DOK1: variants seen among roughly 807,000 people sequenced by gnomAD.
DOK1 encodes the protein Downstream of tyrosine kinase 1.
A neutral mutation model predicts 24.0 loss-of-function variants in DOK1; 12 were observed. That is an observed-to-expected ratio of 0.50 (90% CI 0.32 to 0.81). DOK1 has a LOEUF of 0.81. Among genes scored for constraint, DOK1 ranks in the 30% least tolerant of loss-of-function variants. The pLI is 0.03. For missense variants in DOK1, 591 were observed against 620.7 expected, an observed-to-expected ratio of 0.95 and a Z score of 0.51; for synonymous variants, 250 against 260.9, an observed-to-expected ratio of 0.96 and a Z score of 0.40.
At chr2:74,552,894 C>T (rs1398727631), upstream of DOK1, 4 of 445,282 alleles carry the variant, frequency 9.0e-6, no homozygotes, top group East Asian at 1.0e-4. Context: ...TATGAGAGAT[C>T]GAGAGTCAGA....
rs758618942 is a variant in DOK1 at position 74,555,338 on chromosome 2, CT to C, written c.246del (p.Glu83SerfsTer75). ...GCCCCCGTCACCGTGGAGACCCCCC[CT>C]GAGCCCGGCGCCACTGCCTTCCGCC... ...SVAPVTVETP[P>X]EPGATAFRLD... On this transcript the variant is annotated frameshift_variant, in exon 2 of 5. Transcript: ENST00000233668. LOFTEE classifies it high-confidence loss of function. The surrounding 1 kb of genome is among the most constrained non-coding windows in gnomAD (Gnocchi z 6.1). 2.5e-6 allele frequency: 4 copies of C among 1,613,870 alleles called. No homozygotes were observed. Among genetic ancestry groups the C allele is most frequent in the African/African-American group, 1.3e-5 (1 of 74,938 alleles).
upstream of DOK1, chr2:74,554,159 CA>C (rs1173898924): frequency 6.5e-6 from 1 of 153,034 alleles, no homozygotes; most frequent in Non-Finnish European, 1.5e-5. The surrounding 1 kb of genome is among the most constrained non-coding windows in gnomAD (Gnocchi z 4.9). Context: ...CCGGCTCGTT[CA>C]ATGAAGCTTT....
chr2:74,550,423 G>A (rs530120656), upstream of DOK1: 132 of 1,510,902 alleles, frequency 8.7e-5, 1 homozygote, highest in South Asian at 1.6e-3. Flanking sequence ...GTAGGGAAGA[G>A]TGAGTGCTGA....
chr2:74,551,313 G>A (rs1256160905), upstream of DOK1, among the ~76,000 whole-genome samples: 1 of 152,208 alleles, frequency 6.6e-6, no homozygotes, highest in Non-Finnish European at 1.5e-5. Flanking sequence ...CAATGTTCAA[G>A]GACATCTCAT....
rs141984491 is a variant in DOK1 at position 74,549,642 on chromosome 2, C to G, written c.-358+470C>G. 2.0e-6 allele frequency: 3 copies of G among 1,536,922 alleles called. No individual in the cohort carries two copies. The highest frequency in any genetic ancestry group is 2.6e-6 in the Non-Finnish European group (3 of 1,134,192). ...CAGTGGCACCTTTCATGTGTCCCGCCGCCCTTAAGGAACCCTGCTTGGTGT... is the reference window on the plus strand; with the variant it reads ...CAGTGGCACCTTTCATGTGTCCCGCGGCCCTTAAGGAACCCTGCTTGGTGT... On this transcript the variant is annotated intron_variant, in intron 1 of 4. Transcript: ENST00000409429. The surrounding 1 kb of genome is among the most constrained non-coding windows in gnomAD (Gnocchi z 5.3).
At position 74,556,515 on chromosome 2, in the gene DOK1, C is replaced by T. The variant is rs1170659417; in HGVS notation, c.847C>T (p.Pro283Ser). 12 of 1,614,030 alleles carry T rather than the reference C, an allele frequency of 7.4e-6. No individual in the cohort carries two copies. The highest frequency in any genetic ancestry group is 2.2e-5 in the East Asian group (1 of 44,884). ...EVAEGKLPSP[P>S]GPQELLDSPP... ...GGCAGAGGGGAAGTTGCCTTCCCCACCTGGCCCCCAAGAGCTCCTCGACAG... is the reference window on the plus strand; with the variant it reads ...GGCAGAGGGGAAGTTGCCTTCCCCATCTGGCCCCCAAGAGCTCCTCGACAG... The change falls in exon 5 of 5, where the codon CCT (proline) becomes TCT (serine). Residue 283 changes from proline to serine, a missense_variant. Transcript: ENST00000233668. This position sits in a 1 kb window ranked among gnomAD's most constrained non-coding sequence, Gnocchi z 4.1.
chr2:74,556,068 G>T lies in DOK1; in HGVS notation c.629G>T (p.Gly210Val). ...SWPYTLLRRY[G>V]RDKVMFSFEA... ...CCCTACACTCTGTTGCGTCGCTATG[G>T]CCGGGACAAGGTGCAGGGGCTGTCC... Residue 210 changes from glycine to valine, a missense_variant, in exon 4 of 5, where the codon GGC becomes GTC. Transcript: ENST00000233668. The surrounding 1 kb of genome is among the most constrained non-coding windows in gnomAD (Gnocchi z 4.1). The T allele has an allele frequency of 6.3e-7, 1 of 1,594,518 alleles. No homozygotes were observed.
chr2:74,549,619 G>A lies in DOK1; in HGVS notation c.-358+447G>A. 6.3e-7 allele frequency: 1 copy of A among 1,581,924 alleles called. No individual in the cohort carries two copies. Among genetic ancestry groups the A allele is most frequent in the Non-Finnish European group, 8.6e-7 (1 of 1,158,870 alleles). On this transcript the variant is annotated intron_variant, in intron 1 of 4. Transcript: ENST00000409429. This position sits in a 1 kb window ranked among gnomAD's most constrained non-coding sequence, Gnocchi z 5.3. ...GGCCACAAGCAGGGAAAGAATCCCA[G>A]TGGCACCTTTCATGTGTCCCGCCGC...
chr2:74,554,215 G>T, upstream of DOK1: 1 of 157,054 alleles, frequency 6.4e-6, no homozygotes, highest in South Asian at 1.7e-4. This position sits in a 1 kb window ranked among gnomAD's most constrained non-coding sequence, Gnocchi z 4.9. Flanking sequence ...TCAGGGAGCT[G>T]ACATGCAAGC....
At chr2:74,553,436 TC>T (rs1677158910), upstream of DOK1, among the ~76,000 whole-genome samples, 1 of 152,146 alleles carries the variant, frequency 6.6e-6, no homozygotes, top group African/African-American at 2.4e-5. Context: ...GGTAGGGTTG[TC>T]CCAGCCTCCT....
At chr2:74,553,512 C>T (rs1462523592), upstream of DOK1, among the ~76,000 whole-genome samples, 1 of 152,200 alleles carries the variant, frequency 6.6e-6, no homozygotes, top group East Asian at 1.9e-4. Flanking sequence ...TCAGCCAAGG[C>T]CTTCTCTGCC....
Position 74,556,063 on chromosome 2 carries a change from C to T in DOK1, c.624C>T (p.Arg208=), listed in dbSNP as rs771312803. The part of the protein sequence containing the change: ...LLSWPYTLLR[R]YGRDKVMFSF... ...CCTGGCCCTACACTCTGTTGCGTCG[C>T]TATGGCCGGGACAAGGTGCAGGGGC... Residue 208 remains arginine, a synonymous_variant, in exon 4 of 5, where the codon CGC becomes CGT. Transcript: ENST00000233668. This position sits in a 1 kb window ranked among gnomAD's most constrained non-coding sequence, Gnocchi z 4.1. The T allele has an allele frequency of 1.9e-6, 3 of 1,597,070 alleles. No homozygotes were observed. In the South Asian group the frequency reaches 3.4e-5, roughly 18 times the overall value.
At chr2:74,552,450 C>T (rs543052981), upstream of DOK1, 8 of 1,613,876 alleles carry the variant, frequency 5.0e-6, no homozygotes, top group Middle Eastern at 3.3e-4. Context: ...TTCACCAGCT[C>T]GCTGTATCTC....
rs886995147 is a variant in DOK1, at chr2:74,549,391, T to C, written c.-358+219T>C. 8 of 1,609,436 alleles carry C rather than the reference T, an allele frequency of 5.0e-6. No homozygotes were observed. Among genetic ancestry groups the C allele is most frequent in the Non-Finnish European group, 6.8e-6 (8 of 1,177,722 alleles). ...CACCTGTAGAAGGCCGCGTTGACCC[T>C]CTTTTCGCTGGGGAAGCCCAGCATC... On this transcript the variant is annotated intron_variant, in intron 1 of 4. Transcript: ENST00000409429. This position sits in a 1 kb window ranked among gnomAD's most constrained non-coding sequence, Gnocchi z 5.3.
chr2:74,554,435 A>C, upstream of DOK1: 2 of 417,420 alleles, frequency 4.8e-6, no homozygotes, highest in South Asian at 2.9e-5. The surrounding 1 kb of genome is among the most constrained non-coding windows in gnomAD (Gnocchi z 4.9). Flanking sequence ...TTTCACTCTG[A>C]CGTCACCTTG....
At position 74,555,206 on chromosome 2, in the gene DOK1, C is replaced by G. The variant is rs147810432; in HGVS notation, c.113C>G (p.Ala38Gly). 1.2e-6 allele frequency: 2 copies of G among 1,613,548 alleles called. No individual in the cohort carries two copies. The highest frequency in any genetic ancestry group is 2.2e-5 in the East Asian group (1 of 44,874). ...VLYPASPHGV[A>G]RLEFFDHKGS... ...TACCCGGCCAGTCCCCACGGCGTAGCGCGGCTCGAGTTCTTTGACCATAAG... is the reference window on the plus strand; with the variant it reads ...TACCCGGCCAGTCCCCACGGCGTAGGGCGGCTCGAGTTCTTTGACCATAAG... Residue 38 changes from alanine (A) to glycine (G), a missense_variant, in exon 2 of 5, where the codon GCG becomes GGG. Ala to Gly is a moderately conservative substitution (Grantham distance 60). Coordinates refer to ENST00000233668, the MANE Select transcript of DOK1 (RefSeq NM_001381.5). The surrounding 1 kb of genome is among the most constrained non-coding windows in gnomAD (Gnocchi z 6.1).
In DOK1 at chr2:74,557,015, C is replaced by A. The variant is rs1224470396; in HGVS notation, c.1347C>A (p.Tyr449Ter). ...SGIKSHNSAL[Y>*]SQVQKSGASG... ...TCAAAAGCCACAACTCAGCCCTGTACAGCCAGGTCCAGAAGAGCGGGGCCT... is the reference window on the plus strand; with the variant it reads ...TCAAAAGCCACAACTCAGCCCTGTAAAGCCAGGTCCAGAAGAGCGGGGCCT... Residue 449 changes from tyrosine (Y) to a stop codon, truncating the protein, a stop_gained, in exon 5 of 5, where the codon TAC becomes TAA. Coordinates refer to ENST00000233668, the MANE Select transcript of DOK1 (RefSeq NM_001381.5). LOFTEE classifies it low-confidence loss of function (END_TRUNC). The A allele has an allele frequency of 6.2e-7, 1 of 1,614,246 alleles. No homozygotes were observed. The highest frequency in any genetic ancestry group is 8.5e-7 in the Non-Finnish European group (1 of 1,180,054).
At chr2:74,552,072 A>G (rs1011224442), upstream of DOK1, among the ~76,000 whole-genome samples, 4 of 152,258 alleles carry the variant, frequency 2.6e-5, no homozygotes, top group African/African-American at 4.8e-5. Flanking sequence ...TTTGCAGCAG[A>G]AAAGAACTTA....
At position 74,556,842 on chromosome 2, in the gene DOK1, CG is replaced by C. The variant is rs1677509370; in HGVS notation, c.1177del (p.Val393Ter). Reference sequence around the variant, plus strand: ...CAAGGATGCATGGTGGTGCCAAGCTCGGGTGAAGGAGGAGGGCTATGAGCTC... The same window carrying C: ...CAAGGATGCATGGTGGTGCCAAGCTCGGTGAAGGAGGAGGGCTATGAGCTC... Reference protein sequence around the residue: ...EPKDAWWCQARVKEEGYELPY... With the variant: ...EPKDAWWCQAXVKEEGYELPY... On this transcript the variant is annotated frameshift_variant, in exon 5 of 5. Coordinates refer to ENST00000233668, the MANE Select transcript of DOK1 (RefSeq NM_001381.5). LOFTEE classifies it low-confidence loss of function (END_TRUNC). The surrounding 1 kb of genome is among the most constrained non-coding windows in gnomAD (Gnocchi z 4.1). The C allele has an allele frequency of 1.2e-6, 2 of 1,614,116 alleles. No homozygotes were observed. The highest frequency in any genetic ancestry group is 4.5e-5 in the East Asian group (2 of 44,878).
Sources: gnomAD v4.1 joint callset for allele counts (sites outside exome capture counted in the v4.1 genomes callset) on GRCh38, gnomAD v4.1.1 for gene constraint, Gnocchi (gnomAD v3.1) non-coding constraint, MANE v1.5 for transcripts, NCBI Gene and HGNC (gene_info 2026-07-23, HGNC 2026-07-21) for gene names.